MYO16: variants seen among roughly 807,000 people sequenced by gnomAD.
The protein encoded by MYO16 is unconventional myosin-XVI.
MYO16 carries 94 observed loss-of-function variants against 205.3 expected under a neutral mutation model. That is an observed-to-expected ratio of 0.46 (90% confidence interval 0.39 to 0.54). The LOEUF (loss-of-function observed/expected upper bound fraction) is 0.54, where lower values mean the gene tolerates loss of function less well. MYO16 is among the 20% of genes least tolerant of loss of function. The pLI, the probability that MYO16 is intolerant of heterozygous loss-of-function variation, is 0.00. For synonymous variants in MYO16, 988 were observed against 954.0 expected, an observed-to-expected ratio of 1.04 and a Z score of -0.66; for missense variants, 2,315 against 2,387.5, an observed-to-expected ratio of 0.97 and a Z score of 0.63.
chr13:108,823,298 T>C lies in MYO16; in HGVS notation c.1097+20T>C. Reference sequence around the variant, plus strand: ...TAAGCTGTAAGTGTCTTCCTGCTTATTCTCTTTTGCCATCTTCTCTACCTG... The same window carrying C: ...TAAGCTGTAAGTGTCTTCCTGCTTACTCTCTTTTGCCATCTTCTCTACCTG... On this transcript the variant is annotated intron_variant, in intron 9 of 34. Transcript: ENST00000457511. 3.2e-6 allele frequency: 5 copies of C among 1,584,942 alleles called. No individual in the cohort carries two copies. Among genetic ancestry groups the C allele is most frequent in the Non-Finnish European group, 4.3e-6 (5 of 1,164,754 alleles).
chr13:108,870,903 A>G (rs1252523678), intron 12 of MYO16, among the ~76,000 whole-genome samples: 2 of 151,992 alleles, frequency 1.3e-5, no homozygotes, highest in Non-Finnish European at 2.9e-5. Flanking sequence ...TGAATTCTAC[A>G]TGTTTGCTAT....
chr13:108,521,486 CTATCTGTTA>C, the MYO16 span, among the ~76,000 whole-genome samples: 1 of 152,188 alleles, frequency 6.6e-6, no homozygotes, highest in East Asian at 1.9e-4. Context: ...TCCAAAACAG[CTATCTGTTA>C]GAGGGGAAGA....
chr13:108,623,196 A>G (rs1879607617), intron 1 of MYO16, among the ~76,000 whole-genome samples: 1 of 152,182 alleles, frequency 6.6e-6, no homozygotes, highest in Non-Finnish European at 1.5e-5. Flanking sequence ...CAAACTGTGC[A>G]GATAGGAGAA....
intron 34 of MYO16, among the ~76,000 whole-genome samples, chr13:109,186,609 A>AAC (rs112011251): frequency 0.076 from 11,289 of 149,516 alleles, 387 homozygotes; most frequent in Middle Eastern, 0.12. Flanking sequence ...TAAGCTTTTC[A>AAC]ACACACACAC....
intron 23 of MYO16, among the ~76,000 whole-genome samples, chr13:109,023,522 T>C (rs1444004917): frequency 8.5e-6 from 1 of 117,850 alleles, no homozygotes; most frequent in African/African-American, 3.4e-5. Context: ...TATATATTTA[T>C]AATTATATAT....
chr13:109,064,751 C>A (rs893705128), intron 27 of MYO16, among the ~76,000 whole-genome samples: 4 of 152,116 alleles, frequency 2.6e-5, no homozygotes, highest in African/African-American at 4.8e-5. Flanking sequence ...CTGTGTCATT[C>A]CCAAGTATCC....
At chr13:108,890,099 T>G (rs967380875) in intron 14 of MYO16, among the ~76,000 whole-genome samples, 15 of 129,218 alleles carry the variant, frequency 1.2e-4, no homozygotes, top group Non-Finnish European at 2.4e-4. Flanking sequence ...CTAGCTAATT[T>G]TTGTATTTTT....
At chr13:109,024,058 ATATAT>A (rs1886274219) in intron 23 of MYO16, among the ~76,000 whole-genome samples, 1 of 144,510 alleles carries the variant, frequency 6.9e-6, no homozygotes, top group Non-Finnish European at 1.5e-5. Context: ...ATAAATTCTC[ATATAT>A]TTATTTAAAT....
chr13:108,545,910 C>CTTTAGTGAAATGGAA, the MYO16 span, among the ~76,000 whole-genome samples: 1 of 152,198 alleles, frequency 6.6e-6, no homozygotes, highest in East Asian at 1.9e-4. Flanking sequence ...ATACCTAACT[C>CTTTAGTGAAATGGAA]ATAGTTTCTG....
rs145209693 is a variant in MYO16, at chr13:109,055,581, G to A, written c.3321G>A (p.Ser1107=). The A allele has an allele frequency of 2.6e-4, 416 of 1,610,040 alleles. No individual in the cohort carries two copies. The highest frequency in any genetic ancestry group is 3.4e-4 in the Non-Finnish European group (400 of 1,179,014). Residue 1107 remains serine, a synonymous_variant, in exon 27 of 35, where the codon TCG becomes TCA. Transcript: ENST00000457511. The surrounding 1 kb of genome is among the most constrained non-coding windows in gnomAD (Gnocchi z 5.0). ...RYGYPVRLSF[S]DFLSRYKPLA... ...GATACCCTGTTCGCCTTTCCTTCTC[G>A]GATTTCCTGTCAAGGTAAATTCTTC...
the MYO16 span, among the ~76,000 whole-genome samples, chr13:108,540,923 T>C: frequency 6.6e-6 from 1 of 152,188 alleles, no homozygotes; most frequent in Non-Finnish European, 1.5e-5. Flanking sequence ...ATTTCTAAGA[T>C]GTTGAAAATT....
At chr13:108,536,539 T>C in the MYO16 span, among the ~76,000 whole-genome samples, 72 of 152,198 alleles carry the variant, frequency 4.7e-4, no homozygotes, top group African/African-American at 1.7e-3. Flanking sequence ...ACAAGTTACA[T>C]AACCTGTCTA....
At chr13:108,536,205 T>C in the MYO16 span, among the ~76,000 whole-genome samples, 1 of 152,186 alleles carries the variant, frequency 6.6e-6, no homozygotes, top group Non-Finnish European at 1.5e-5. Context: ...ACTGAGTCAC[T>C]TGGAGAAGAG....
chr13:108,539,023 C>A, the MYO16 span, among the ~76,000 whole-genome samples: 19 of 152,064 alleles, frequency 1.2e-4, no homozygotes, highest in African/African-American at 4.6e-4. Context: ...TCTGCCTTTA[C>A]CTGGTGCTTT....
chr13:109,097,642 A>G (rs1888820794), intron 27 of MYO16, among the ~76,000 whole-genome samples: 1 of 152,210 alleles, frequency 6.6e-6, no homozygotes. Flanking sequence ...CCCATCAACA[A>G]ATCACTGAAG....
At chr13:108,630,412 A>G (rs1439447821) in intron 1 of MYO16, among the ~76,000 whole-genome samples, 1 of 152,170 alleles carries the variant, frequency 6.6e-6, no homozygotes, top group African/African-American at 2.4e-5. Context: ...TCTGTACCAA[A>G]TGCTCTCCAC....
chr13:108,683,804 C>CT (rs925344300), intron 2 of MYO16, among the ~76,000 whole-genome samples: 3 of 152,162 alleles, frequency 2.0e-5, no homozygotes, highest in African/African-American at 7.2e-5. Flanking sequence ...CCCTGAACTT[C>CT]TTTTTTGAGT....
rs1409922903 is a variant in MYO16, at chr13:109,141,397, C to T, written c.5164+21C>T. On this transcript the variant is annotated intron_variant, in intron 32 of 34. Coordinates refer to ENST00000457511, the MANE Select transcript of MYO16 (RefSeq NM_001198950.3). This position sits in a 1 kb window ranked among gnomAD's most constrained non-coding sequence, Gnocchi z 4.1. Reference sequence around the variant, plus strand: ...AGAAGGTAAGCGGAGCAGACATCCCCCCACTCCTTTTGCATGGACGCTGTG... The same window carrying T: ...AGAAGGTAAGCGGAGCAGACATCCCTCCACTCCTTTTGCATGGACGCTGTG... 4.2e-6 allele frequency: 6 copies of T among 1,428,220 alleles called. No individual in the cohort carries two copies. The South Asian group carries it at 7.3e-5, about 17-fold the overall frequency. The allele number at this position is 1,428,220 out of a possible 1,614,324, so 88.5% of individuals were successfully genotyped here. A position where few individuals can be genotyped will look rare whatever the true frequency, so the allele number is the denominator to read the frequency against.
chr13:109,087,298 C>G (rs886462599), intron 27 of MYO16, among the ~76,000 whole-genome samples: 9 of 152,240 alleles, frequency 5.9e-5, no homozygotes, highest in African/African-American at 1.7e-4. Flanking sequence ...AACTCAATAT[C>G]TGAAATAGGC....
Sources: allele counts gnomAD v4.1 joint callset (sites outside exome capture counted in the v4.1 genomes callset), GRCh38; gene constraint gnomAD v4.1.1; non-coding constraint Gnocchi (gnomAD v3.1); transcripts MANE v1.5; gene names NCBI Gene and HGNC (gene_info 2026-07-23, HGNC 2026-07-21).